RNF17: variants seen among roughly 807,000 people sequenced by gnomAD.
RNF17 encodes spermatogenesis associated 23.
RNF17 carries 31 observed loss-of-function variants against 200.5 expected under a neutral mutation model. The ratio of observed to expected loss-of-function variants is 0.15; its 90% confidence interval spans 0.12 to 0.21. The LOEUF is 0.21. RNF17 is among the 10% of genes least tolerant of loss of function. The pLI is 1.00. For missense variants in RNF17, 1,628 were observed against 1,905.1 expected (o/e 0.85, Z 2.71); for synonymous variants, 606 against 637.8 (o/e 0.95, Z 0.75).
intron 33 of RNF17, 126 bp from the exon 34 acceptor site, chr13:24,876,871 G>T: frequency 1.6e-6 from 1 of 624,752 alleles, no homozygotes; most frequent in South Asian, 2.5e-5. Flanking sequence ...TCATGCTTTT[G>T]GTGTCGTATC....
At chr13:24,815,568 T>C (rs1887296266) in intron 15 of RNF17, among the ~76,000 whole-genome samples, 1 of 152,106 alleles carries the variant, frequency 6.6e-6, no homozygotes, top group Non-Finnish European at 1.5e-5. Context: ...GCCTTTTGTC[T>C]TTTTACCTAA....
At chr13:24,755,857 T>C in the RNF17 span, among the ~76,000 whole-genome samples, 1 of 152,178 alleles carries the variant, frequency 6.6e-6, no homozygotes, top group East Asian at 1.9e-4. Context: ...AGTATTGCTA[T>C]ATAGGTTTAG....
At chr13:24,861,506 A>T (rs1893102198) in intron 27 of RNF17, 119 bp downstream of exon 27, 1 of 651,384 alleles carries the variant, frequency 1.5e-6, no homozygotes, top group Non-Finnish European at 2.3e-6. Context: ...GTAATAAAAC[A>T]CCAACAAATA....
intron 32 of RNF17, among the ~76,000 whole-genome samples, chr13:24,871,958 C>CTTTTTTTTT (rs60797153): frequency 1.4e-5 from 1 of 71,732 alleles, no homozygotes; most frequent in Non-Finnish European, 2.5e-5. Flanking sequence ...TTATTGATGA[C>CTTTTTTTTT]TTTTTTTTTT....
At chr13:24,847,605 C>T (rs1891405717) in intron 22 of RNF17, among the ~76,000 whole-genome samples, 1 of 152,144 alleles carries the variant, frequency 6.6e-6, no homozygotes, top group Non-Finnish European at 1.5e-5. Context: ...CTCGGCCTCC[C>T]AAGGTGCTGG....
At chr13:24,815,431 GTGTGTGTGTGTGTGT>G (rs1566172107) in intron 15 of RNF17, among the ~76,000 whole-genome samples, 1 of 11,522 alleles carries the variant, frequency 8.7e-5, no homozygotes, top group Admixed American at 1.6e-3. Flanking sequence ...CTAACGGGGT[GTGTGTGTGTGTGTGT>G]GTGTGTGTGT....
At chr13:24,799,359 A>G in intron 11 of RNF17, 36 bp from the exon 12 acceptor site, 2 of 1,510,406 alleles carry the variant, frequency 1.3e-6, no homozygotes, top group Non-Finnish European at 1.8e-6. Context: ...TTTTATTGAT[A>G]AATGTTTATA....
At chr13:24,851,671 T>C in intron 24 of RNF17, 100 bp downstream of exon 24, 2 of 693,312 alleles carry the variant, frequency 2.9e-6, no homozygotes, top group Non-Finnish European at 4.8e-6. Context: ...TTGCATCTTG[T>C]TTGCTCTTAA....
chr13:24,774,693 T>A, intron 2 of RNF17, 120 bp from the exon 3 acceptor site: 1 of 522,554 alleles, frequency 1.9e-6, no homozygotes, highest in Admixed American at 3.8e-5. Context: ...TACAGGGGAT[T>A]TCAGGATCTT....
At chr13:24,885,297 T>C in the RNF17 span, 3 of 1,609,770 alleles carry the variant, frequency 1.9e-6, no homozygotes, top group Non-Finnish European at 2.6e-6. Context: ...GATGACTGAT[T>C]TCTCCCTGTA....
intron 15 of RNF17, among the ~76,000 whole-genome samples, chr13:24,815,827 TGTTTTG>T (rs1435383413): frequency 7.9e-5 from 12 of 152,190 alleles, no homozygotes; most frequent in Non-Finnish European, 1.5e-4. Context: ...GAGATGATCA[TGTTTTG>T]GTCTTTTCTC....
At chr13:24,826,869 T>A (rs1348428376) in intron 16 of RNF17, among the ~76,000 whole-genome samples, 2 of 151,906 alleles carry the variant, frequency 1.3e-5, no homozygotes, top group Non-Finnish European at 2.9e-5. Context: ...GAGACCAGCC[T>A]GACCAACATG....
At chr13:24,776,934 T>C (rs1881658580) in intron 3 of RNF17, among the ~76,000 whole-genome samples, 1 of 152,228 alleles carries the variant, frequency 6.6e-6, no homozygotes, top group South Asian at 2.1e-4. Flanking sequence ...GTATAATGTC[T>C]GTTAGAGTTG....
intron 17 of RNF17, among the ~76,000 whole-genome samples, chr13:24,831,048 G>GAGCCTA (rs1362854162): frequency 1.3e-5 from 2 of 152,126 alleles, no homozygotes; most frequent in Non-Finnish European, 2.9e-5. Context: ...GGGTAAGAAG[G>GAGCCTA]AGCCTTGTTT....
chr13:24,820,801 A>T (rs1347821061), intron 15 of RNF17, among the ~76,000 whole-genome samples: 1 of 152,078 alleles, frequency 6.6e-6, no homozygotes, highest in Non-Finnish European at 1.5e-5. Flanking sequence ...TGTATATGAC[A>T]TGTTGCATCT....
intron 32 of RNF17, among the ~76,000 whole-genome samples, chr13:24,872,089 CT>C (rs1479200928): frequency 6.6e-6 from 1 of 151,308 alleles, no homozygotes; most frequent in Non-Finnish European, 1.5e-5. Flanking sequence ...CTGCCTCAGC[CT>C]CCCAAGTAGA....
At chr13:24,840,269 G>T (rs957885024) in intron 18 of RNF17, among the ~76,000 whole-genome samples, 1 of 152,158 alleles carries the variant, frequency 6.6e-6, no homozygotes, top group Non-Finnish European at 1.5e-5. Flanking sequence ...CTTCTACACT[G>T]CTGGCAGGAT....
intron 1 of RNF17, among the ~76,000 whole-genome samples, chr13:24,764,703 T>C (rs1377897600): frequency 1.3e-5 from 2 of 152,252 alleles, no homozygotes; most frequent in Non-Finnish European, 2.9e-5. Flanking sequence ...CGAAACTTGA[T>C]TTTCTCCTGT....
intron 15 of RNF17, among the ~76,000 whole-genome samples, chr13:24,814,138 A>G (rs2137857708): frequency 6.6e-6 from 1 of 152,250 alleles, no homozygotes; most frequent in East Asian, 1.9e-4. Context: ...TATATTTACT[A>G]TTCATTAACT....
Sources: gnomAD v4.1 joint callset for allele counts (sites outside exome capture counted in the v4.1 genomes callset) on GRCh38, gnomAD v4.1.1 for gene constraint, MANE v1.5 for transcripts, NCBI Gene and HGNC (gene_info 2026-07-23, HGNC 2026-07-21) for gene names.